FMNL2: variants seen among roughly 807,000 people sequenced by gnomAD.
FMNL2 encodes formin-like protein 2.
Under a neutral mutation model 130.2 loss-of-function variants are expected in FMNL2, and 51 were observed. That is an observed-to-expected ratio of 0.39 (90% CI 0.31 to 0.49). The LOEUF is 0.49. FMNL2 is among the 20% of genes least tolerant of loss of function. The pLI, the probability that FMNL2 is intolerant of heterozygous loss-of-function variation, is 0.85. For synonymous variants in FMNL2, 465 were observed against 467.1 expected (o/e 1.00, Z 0.06); for missense variants, 977 against 1,316.2 (o/e 0.74, Z 3.99).
At chr2:152,530,974 G>A (rs1342322998) in intron 2 of FMNL2, among the ~76,000 whole-genome samples, 1 of 152,164 alleles carries the variant, frequency 6.6e-6, no homozygotes, top group Non-Finnish European at 1.5e-5. Context: ...TATACATAGG[G>A]CAGAGACTGT....
At chr2:152,485,352 A>G (rs557849904) in intron 1 of FMNL2, among the ~76,000 whole-genome samples, 5 of 152,182 alleles carry the variant, frequency 3.3e-5, no homozygotes, top group East Asian at 1.9e-4. Flanking sequence ...TTAGCCAGGC[A>G]TGGTGGTGTG....
intron 1 of FMNL2, among the ~76,000 whole-genome samples, chr2:152,370,369 C>G (rs1265887486): frequency 1.3e-5 from 2 of 152,208 alleles, no homozygotes; most frequent in African/African-American, 4.8e-5. Flanking sequence ...CTGTCATGAC[C>G]TGTTTCCTCC....
intron 1 of FMNL2, among the ~76,000 whole-genome samples, chr2:152,452,755 T>A: frequency 7.3e-6 from 1 of 136,218 alleles, no homozygotes; most frequent in African/African-American, 2.5e-5. Flanking sequence ...TGCATACCTT[T>A]GTCGAGGGCC....
intron 1 of FMNL2, among the ~76,000 whole-genome samples, chr2:152,482,758 C>G (rs1165391431): frequency 6.6e-6 from 1 of 152,230 alleles, no homozygotes; most frequent in East Asian, 1.9e-4. Context: ...TTCTGGCATT[C>G]TGTAAATGTT....
At chr2:152,620,490 GTT>G (rs1389882010) in intron 15 of FMNL2, among the ~76,000 whole-genome samples, 1 of 152,162 alleles carries the variant, frequency 6.6e-6, no homozygotes, top group Non-Finnish European at 1.5e-5. Flanking sequence ...GTCCTGAAGT[GTT>G]TCCCTGGCAT....
intron 25 of FMNL2, chr2:152,643,852 G>T (rs910145689): frequency 3.0e-6 from 3 of 985,300 alleles, no homozygotes; most frequent in Non-Finnish European, 3.6e-6. Context: ...GTACCAAGTA[G>T]ATTGCTTATA....
chr2:152,457,152 G>A (rs1689003628), intron 1 of FMNL2, among the ~76,000 whole-genome samples: 2 of 151,398 alleles, frequency 1.3e-5, no homozygotes, highest in Admixed American at 6.6e-5. Context: ...TATCAGAGTT[G>A]GATAAGGAAT....
Position 152,503,008 on chromosome 2 carries a change from T to C in FMNL2, c.118-18935T>C, listed in dbSNP as rs528757164. Among the ~76,000 whole-genome samples the C allele has an allele frequency of 2.0e-5, 3 of 152,290 alleles. No individual in the cohort carries two copies. In the East Asian group the frequency reaches 5.8e-4, roughly 29 times the overall value. On this transcript the variant is annotated intron_variant, in intron 1 of 25. Transcript: ENST00000288670. ...CAAGTGATAGTTGGTGCTCTGTGGT[T>C]GACTGATCTTCCTGTTGCATGGCAC... is the stretch of plus-strand genomic sequence containing the variant.
intron 23 of FMNL2, 30 bp from the exon 24 acceptor site, chr2:152,639,928 T>C (rs963109204): frequency 6.5e-7 from 1 of 1,527,162 alleles, no homozygotes; most frequent in African/African-American, 1.4e-5. Context: ...TCCATTAACA[T>C]CATCTTTCTG....
chr2:152,371,483 A>G (rs371010051), intron 1 of FMNL2, among the ~76,000 whole-genome samples: 3 of 152,096 alleles, frequency 2.0e-5, no homozygotes, highest in East Asian at 1.9e-4. Context: ...ATCCTGGCCA[A>G]CATGGTGAAT....
chr2:152,451,761 C>G (rs1026116174), intron 1 of FMNL2, among the ~76,000 whole-genome samples: 31 of 152,114 alleles, frequency 2.0e-4, no homozygotes, highest in African/African-American at 7.0e-4. Flanking sequence ...GGTGGCTTTT[C>G]CAGACTTTTG....
At chr2:152,382,966 A>G (rs1037298573) in intron 1 of FMNL2, among the ~76,000 whole-genome samples, 5 of 152,202 alleles carry the variant, frequency 3.3e-5, no homozygotes, top group African/African-American at 1.2e-4. Flanking sequence ...AGGGCAATGC[A>G]TTACCCACGT....
rs527670340 is a variant in FMNL2, at chr2:152,638,738, C to T, written c.2946+1064C>T. Among the ~76,000 whole-genome samples, 93 of 152,284 alleles carry T rather than the reference C, an allele frequency of 6.1e-4. 1 individual carries two copies. The highest frequency in any genetic ancestry group is 2.1e-3 in the African/African-American group (86 of 41,560). On this transcript the variant is annotated intron_variant, in intron 23 of 25. Transcript: ENST00000288670. Reference sequence around the variant, plus strand: ...AAGGCTGCGGGCCACCAACTGCTGCCGTCTGCAGTGCTTGGTAGCCCAAGC... The same window carrying T: ...AAGGCTGCGGGCCACCAACTGCTGCTGTCTGCAGTGCTTGGTAGCCCAAGC...
chr2:152,523,794 G>A lies in FMNL2; in HGVS notation c.201+1768G>A, dbSNP rs184092077. Among the ~76,000 whole-genome samples, 242 of 152,256 alleles carry A rather than the reference G, an allele frequency of 1.6e-3. 1 individual carries two copies. The highest frequency in any genetic ancestry group is 1.7e-3 in the Non-Finnish European group (115 of 68,018). Reference sequence around the variant, plus strand: ...ATTAGTCTATCACTTTGTTTTGTAAGTATTTATTTAAGTGTGTCTCCCTCA... The same window carrying A: ...ATTAGTCTATCACTTTGTTTTGTAAATATTTATTTAAGTGTGTCTCCCTCA... On this transcript the variant is annotated intron_variant, in intron 2 of 25. Coordinates refer to ENST00000288670, the MANE Select transcript of FMNL2 (RefSeq NM_052905.4).
chr2:152,393,204 A>G (rs1685214349), intron 1 of FMNL2, among the ~76,000 whole-genome samples: 1 of 152,224 alleles, frequency 6.6e-6, no homozygotes, highest in Non-Finnish European at 1.5e-5. Flanking sequence ...ACACTGTGGT[A>G]TCAACACTTT....
At chr2:152,634,388 G>A (rs1682406155) in intron 21 of FMNL2, among the ~76,000 whole-genome samples, 1 of 152,184 alleles carries the variant, frequency 6.6e-6, no homozygotes, top group Admixed American at 6.5e-5. Context: ...AGCTGAGACT[G>A]TACCACTTCA....
chr2:152,646,491 T>C (rs1378047287), intron 25 of FMNL2, among the ~76,000 whole-genome samples: 1 of 152,020 alleles, frequency 6.6e-6, no homozygotes, highest in East Asian at 1.9e-4. Context: ...TGGGGCCCGG[T>C]TTTGCCAGAT....
intron 1 of FMNL2, among the ~76,000 whole-genome samples, chr2:152,515,666 C>T (rs1170990802): frequency 2.6e-5 from 4 of 152,150 alleles, no homozygotes; most frequent in Non-Finnish European, 4.4e-5. Context: ...GGCTTTGCCA[C>T]CTACCTCATG....
intron 11 of FMNL2, among the ~76,000 whole-genome samples, chr2:152,612,688 T>C (rs1580097033): frequency 1.3e-5 from 2 of 152,364 alleles, no homozygotes; most frequent in African/African-American, 2.4e-5. Flanking sequence ...CAATCTTGGC[T>C]CACTGCAACC....
Sources: allele counts gnomAD v4.1 joint callset (sites outside exome capture counted in the v4.1 genomes callset), GRCh38; gene constraint gnomAD v4.1.1; transcripts MANE v1.5; gene names NCBI Gene and HGNC (gene_info 2026-07-23, HGNC 2026-07-21).